The following SASH1 variants were observed in gnomAD, a reference collection of about 807,000 sequenced individuals.
SASH1 encodes the protein SAM and SH3 domain-containing protein 1.
A neutral mutation model predicts 125.2 loss-of-function variants in SASH1; 44 were observed. That is an observed-to-expected ratio of 0.35 (90% confidence interval 0.28 to 0.45). SASH1 has a LOEUF of 0.45. SASH1 is among the 20% of genes least tolerant of loss of function. The pLI is 1.00. For synonymous variants in SASH1, 639 were observed against 649.1 expected (o/e 0.98, Z 0.24); for missense variants, 1,426 against 1,614.5 (o/e 0.88, Z 2.00).
intron 2 of SASH1, among the ~76,000 whole-genome samples, chr6:148,430,037 G>A (rs772728551): frequency 2.4e-4 from 37 of 152,210 alleles, no homozygotes; most frequent in Non-Finnish European, 5.4e-4. Context: ...GCTAGTCATT[G>A]GTGTGCCCAT....
intron 8 of SASH1, among the ~76,000 whole-genome samples, chr6:148,492,885 C>T (rs187569953): frequency 1.3e-5 from 2 of 152,004 alleles, no homozygotes; most frequent in Admixed American, 6.6e-5. Flanking sequence ...AAATCACACT[C>T]GTGTATGCAC....
chr6:148,264,624 T>C, the SASH1 span, among the ~76,000 whole-genome samples: 3 of 152,222 alleles, frequency 2.0e-5, no homozygotes, highest in East Asian at 5.8e-4. Context: ...CACCCAGTCA[T>C]ACTTGACTTT....
the SASH1 span, among the ~76,000 whole-genome samples, chr6:148,236,889 T>C: frequency 6.6e-6 from 1 of 152,176 alleles, no homozygotes; most frequent in Admixed American, 6.5e-5. Context: ...GGTTCCATCC[T>C]CATGAATGGA....
intron 1 of SASH1, among the ~76,000 whole-genome samples, chr6:148,320,589 C>A (rs1780611689): frequency 6.6e-6 from 1 of 152,204 alleles, no homozygotes; most frequent in Admixed American, 6.5e-5. Context: ...AGGGTGGGTT[C>A]TTTCAGGTCT....
chr6:148,196,954 T>C, the SASH1 span, among the ~76,000 whole-genome samples: 2 of 152,256 alleles, frequency 1.3e-5, no homozygotes, highest in Non-Finnish European at 1.5e-5. Flanking sequence ...ACGCCTCTGG[T>C]GACAGGATAC....
chr6:148,215,244 T>G, the SASH1 span, among the ~76,000 whole-genome samples: 1 of 152,310 alleles, frequency 6.6e-6, no homozygotes, highest in Non-Finnish European at 1.5e-5. Context: ...CCTGTCTTAT[T>G]CCAACTGAAA....
chr6:148,326,994 C>A (rs1780848410), intron 1 of SASH1, among the ~76,000 whole-genome samples: 1 of 152,138 alleles, frequency 6.6e-6, no homozygotes, highest in Non-Finnish European at 1.5e-5. Flanking sequence ...CTTTTACTTC[C>A]CCTACTGGCT....
intron 1 of SASH1, among the ~76,000 whole-genome samples, chr6:148,283,096 G>T (rs896291079): frequency 1.3e-5 from 2 of 152,322 alleles, no homozygotes; most frequent in East Asian, 1.9e-4. Context: ...TGCTTGCAGT[G>T]AAGTAATATT....
At chr6:148,209,365 T>C in the SASH1 span, among the ~76,000 whole-genome samples, 3 of 152,356 alleles carry the variant, frequency 2.0e-5, no homozygotes, top group Admixed American at 6.5e-5. Flanking sequence ...TGAAGCAGAC[T>C]CATCTATGTG....
intron 1 of SASH1, among the ~76,000 whole-genome samples, chr6:148,376,746 C>T (rs1356546064): frequency 6.6e-6 from 1 of 152,014 alleles, no homozygotes; most frequent in Non-Finnish European, 1.5e-5. Context: ...GACCTGTAGT[C>T]CCAGCTACTC....
chr6:148,260,228 G>A, the SASH1 span, among the ~76,000 whole-genome samples: 1 of 152,052 alleles, frequency 6.6e-6, no homozygotes. Context: ...TTTTCATAAT[G>A]TTTTTCTCAC....
At chr6:148,387,567 T>C (rs530010428) in intron 1 of SASH1, among the ~76,000 whole-genome samples, 22 of 4,864 alleles carry the variant, frequency 4.5e-3, no homozygotes, top group South Asian at 0.031. Flanking sequence ...CTTTCTTTTC[T>C]CTTTCTTTCT....
the SASH1 span, among the ~76,000 whole-genome samples, chr6:148,215,269 G>A: frequency 6.6e-6 from 1 of 152,020 alleles, no homozygotes; most frequent in African/African-American, 2.4e-5. Flanking sequence ...ATAAGCATCT[G>A]GAAAAAAACA....
At chr6:148,215,840 T>C in the SASH1 span, among the ~76,000 whole-genome samples, 1 of 151,912 alleles carries the variant, frequency 6.6e-6, no homozygotes, top group African/African-American at 2.4e-5. Flanking sequence ...AATATCTACT[T>C]TTTTATTTAT....
chr6:148,391,483 ACTT>A (rs969802791), intron 2 of SASH1, among the ~76,000 whole-genome samples: 24 of 151,778 alleles, frequency 1.6e-4, no homozygotes, highest in African/African-American at 5.5e-4. Context: ...TTTAAAAAAA[ACTT>A]CTTCCTTTAT....
At chr6:148,221,667 G>A in the SASH1 span, among the ~76,000 whole-genome samples, 1 of 152,232 alleles carries the variant, frequency 6.6e-6, no homozygotes, top group Non-Finnish European at 1.5e-5. Context: ...TCTAGACAAG[G>A]GGTGATATTG....
rs201121521 is a variant in SASH1 at position 148,417,727 on chromosome 6, TA to T, written c.286-22449del. 3.4e-3 allele frequency among the ~76,000 whole-genome samples: 415 copies of T among 122,826 alleles called. 1 individual carries two copies. Among genetic ancestry groups the T allele is most frequent in the Middle Eastern group, 4.5e-3 (1 of 222 alleles). The allele number at this position is 122,826 out of a possible 152,430, so 80.6% of individuals were successfully genotyped here. On this transcript the variant is annotated intron_variant, in intron 2 of 19. Coordinates refer to ENST00000367467, the MANE Select transcript of SASH1 (RefSeq NM_015278.5). ...CCTCAGTTTCCTCATTGGTTTTTTT[TA>T]AAAAAAACTGGAAATAGGCAAAGTT...
intron 2 of SASH1, among the ~76,000 whole-genome samples, chr6:148,430,169 C>T (rs370824889): frequency 1.3e-5 from 2 of 152,178 alleles, no homozygotes; most frequent in East Asian, 1.9e-4. Context: ...CTCTAGGTAG[C>T]ATAAGCAGAA....
the SASH1 span, among the ~76,000 whole-genome samples, chr6:148,221,987 A>G: frequency 1.5e-4 from 23 of 152,282 alleles, no homozygotes; most frequent in African/African-American, 5.1e-4. Context: ...TTCACTACCC[A>G]TAAAATAAAA....
Sources: gnomAD v4.1 joint callset for allele counts (sites outside exome capture counted in the v4.1 genomes callset) on GRCh38, gnomAD v4.1.1 for gene constraint, MANE v1.5 for transcripts, NCBI Gene and HGNC (gene_info 2026-07-23, HGNC 2026-07-21) for gene names.